The following PSIP1 variants were observed in gnomAD, a reference collection of about 807,000 sequenced individuals.
PSIP1 encodes PC4 and SRSF1 interacting protein 1, also known as PC4 and SFRS1-interacting protein.
In PSIP1, 19 loss-of-function variants were observed where a neutral mutation model predicts 74.7. That is an observed-to-expected ratio of 0.25 (90% CI 0.18 to 0.37). The LOEUF is 0.37. Among genes scored for constraint, PSIP1 ranks in the 10% least tolerant of loss-of-function variants. The pLI, the probability that PSIP1 is intolerant of heterozygous loss-of-function variation, is 1.00. For missense variants in PSIP1, 601 were observed against 614.3 expected (o/e 0.98, Z 0.23); for synonymous variants, 222 against 195.3 (o/e 1.14, Z -1.14).
chr9:15,474,293 G>C (rs528178346), intron 8 of PSIP1, 56 bp from the exon 9 acceptor site: 2 of 1,410,414 alleles, frequency 1.4e-6, no homozygotes, highest in Non-Finnish European at 1.9e-6. Flanking sequence ...TAGTATTTTA[G>C]ATATCAGTAA....
intron 10 of PSIP1, chr9:15,471,839 G>T (rs1034617760): frequency 1.5e-5 from 14 of 964,714 alleles, no homozygotes; most frequent in Non-Finnish European, 1.5e-5. Flanking sequence ...CCTAGAGCAT[G>T]TTTTAAAAAT....
At chr9:15,489,629 GA>G (rs1266598534) in intron 4 of PSIP1, among the ~76,000 whole-genome samples, 85 of 126,868 alleles carry the variant, frequency 6.7e-4, no homozygotes, top group African/African-American at 2.6e-3. Context: ...AAAAAAAAAA[GA>G]AATTTAATTA....
chr9:15,464,250 T>A lies in PSIP1; in HGVS notation c.*1270A>T, dbSNP rs550988447. 5.2e-6 allele frequency: 1 copy of A among 193,176 alleles called. No homozygotes were observed. Among genetic ancestry groups the A allele is most frequent in the East Asian group, 8.3e-5 (1 of 12,104 alleles). 12.0% of individuals were successfully genotyped at this position (193,176 alleles called of 1,614,324 possible). A position where few individuals can be genotyped will look rare whatever the true frequency, so the allele number is the denominator to read the frequency against. On this transcript the variant is annotated 3_prime_UTR_variant, in exon 16 of 16. Coordinates refer to ENST00000380733, the MANE Select transcript of PSIP1 (RefSeq NM_033222.5). ...GACCTCTTTAAAAGCAAAAATGCAA[T>A]TCTGTAGATGAAAACAGTTATCTCA...
intron 3 of PSIP1, among the ~76,000 whole-genome samples, chr9:15,493,745 G>T (rs2036945073): frequency 6.6e-6 from 1 of 152,142 alleles, no homozygotes; most frequent in Non-Finnish European, 1.5e-5. Flanking sequence ...AGACACTTAT[G>T]AAACCATCAG....
intron 6 of PSIP1, among the ~76,000 whole-genome samples, chr9:15,484,242 G>A (rs1440396626): frequency 6.6e-6 from 1 of 151,324 alleles, no homozygotes; most frequent in Non-Finnish European, 1.5e-5. Flanking sequence ...GGATCACCGA[G>A]GCTGGGAGTT....
At chr9:15,510,450 T>C (rs1017874554) in intron 1 of PSIP1, 121 bp from the exon 2 acceptor site, 2 of 385,892 alleles carry the variant, frequency 5.2e-6, no homozygotes, top group Non-Finnish European at 4.6e-6. Context: ...CTCCCGCTCC[T>C]CCCCCGCCAG....
chr9:15,465,745 C>A (rs41268961), intron 15 of PSIP1, 165 bp from the exon 16 acceptor site: 23,270 of 553,226 alleles, frequency 0.042, 585 homozygotes, highest in South Asian at 0.066. Flanking sequence ...TTATTTTTTT[C>A]TTCTTCAAAA....
rs2035508863 is a variant in PSIP1, at chr9:15,464,911, CTTAA to C, written c.*605_*608del. 4.7e-6 allele frequency: 1 copy of C among 213,264 alleles called. No homozygotes were observed. Among genetic ancestry groups the C allele is most frequent in the Non-Finnish European group, 9.5e-6 (1 of 105,462 alleles). 13.2% of individuals were successfully genotyped at this position (213,264 alleles called of 1,614,324 possible). On this transcript the variant is annotated 3_prime_UTR_variant, in exon 16 of 16. Transcript: ENST00000380733. ...AGAATTCTCAGTTCCATGTCAGTTG[CTTAA>C]TTAGTTGTCATACCAAAAAAAACCA...
intron 2 of PSIP1, among the ~76,000 whole-genome samples, chr9:15,509,499 A>G (rs2037753328): frequency 6.6e-6 from 1 of 152,256 alleles, no homozygotes; most frequent in African/African-American, 2.4e-5. Context: ...CAAAAAGGTA[A>G]AACAACTTCT....
At chr9:15,471,712 G>A in intron 10 of PSIP1, 1 of 965,492 alleles carries the variant, frequency 1.0e-6, no homozygotes, top group African/African-American at 1.8e-5. Context: ...AGAAAGCAGA[G>A]TAAAACGCTG....
At position 15,484,837 on chromosome 9, in the gene PSIP1, C is replaced by T. The variant is rs529361031; in HGVS notation, c.456+1169G>A. The stretch of plus-strand genomic sequence containing the variant: ...CCGAGGCAAGAGAATTGTTTGAATT[C>T]GGGAGGTGGAGGTTGCAGTGAGCCA... On this transcript the variant is annotated intron_variant, in intron 6 of 15. Transcript: ENST00000380733. Among the ~76,000 whole-genome samples, 267 of 145,770 alleles carry T rather than the reference C, an allele frequency of 1.8e-3. 2 individuals are homozygous for T. In the Middle Eastern group the frequency reaches 0.019, roughly 10 times the overall value.
chr9:15,482,299 T>G (rs774638414), intron 6 of PSIP1, among the ~76,000 whole-genome samples: 4 of 151,908 alleles, frequency 2.6e-5, no homozygotes, highest in Non-Finnish European at 5.9e-5. Context: ...AAAAAAAAAA[T>G]GTACAAACAT....
chr9:15,493,742 TATGAAACC>T (rs548702840), intron 3 of PSIP1, among the ~76,000 whole-genome samples: 7 of 152,198 alleles, frequency 4.6e-5, no homozygotes, highest in Non-Finnish European at 1.0e-4. Context: ...GCCAGACACT[TATGAAACC>T]ATCAGATCTC....
chr9:15,488,888 G>GCA (rs2036689462), intron 4 of PSIP1, among the ~76,000 whole-genome samples: 1 of 152,134 alleles, frequency 6.6e-6, no homozygotes, highest in Non-Finnish European at 1.5e-5. Context: ...GGGTGTGGTG[G>GCA]CGGGCACCTG....
Position 15,486,885 on chromosome 9 carries a change from T to C in PSIP1, c.335A>G (p.Glu112Gly). 1 of 1,612,784 alleles carries C rather than the reference T, an allele frequency of 6.2e-7. No homozygotes were observed. The highest frequency in any genetic ancestry group is 8.5e-7 in the Non-Finnish European group (1 of 1,179,414). ...TTCCTTTGAAACACTAGTTTCCTTT[T>C]CTTCAACTTCAACATCAGATGATGC... is the stretch of plus-strand genomic sequence containing the variant. Reference protein sequence around the residue: ...SNASSDVEVEEKETSVSKEDT... With the variant: ...SNASSDVEVEGKETSVSKEDT... Residue 112 changes from glutamate to glycine, a missense_variant, in exon 5 of 16, where the codon GAA (glutamate) becomes GGA (glycine). Physicochemically the swap from Glu to Gly is moderately conservative, Grantham distance 98. Around this residue, in one of 2 missense-constraint regions of PSIP1, gnomAD observed 538 missense variants for 507.6 expected, o/e 1.06. Transcript: ENST00000380733.
intron 10 of PSIP1, chr9:15,472,398 C>T (rs965492181): frequency 3.8e-6 from 5 of 1,326,450 alleles, no homozygotes; most frequent in Admixed American, 3.8e-5. Flanking sequence ...ATCTGCACTT[C>T]GTTTAAATTC....
intron 3 of PSIP1, among the ~76,000 whole-genome samples, chr9:15,502,173 CTG>C (rs1264474474): frequency 1.3e-5 from 2 of 152,130 alleles, no homozygotes; most frequent in African/African-American, 4.8e-5. Context: ...GTGGAAAAAA[CTG>C]TCTTCCATTG....
chr9:15,484,664 T>C (rs1241732517), intron 6 of PSIP1, among the ~76,000 whole-genome samples: 10 of 151,908 alleles, frequency 6.6e-5, no homozygotes, highest in Non-Finnish European at 1.5e-4. Flanking sequence ...GAGGTGAAGG[T>C]TGCAGTGAGC....
intron 6 of PSIP1, among the ~76,000 whole-genome samples, chr9:15,485,195 A>T (rs1488024565): frequency 1.3e-5 from 2 of 152,100 alleles, no homozygotes; most frequent in Non-Finnish European, 2.9e-5. Context: ...TTTTTTTGGT[A>T]CCCATTTCCC....
Sources: gnomAD v4.1 joint callset for allele counts (sites outside exome capture counted in the v4.1 genomes callset) on GRCh38, gnomAD v4.1.1 for gene constraint, gnomAD v4.1.1 regional missense constraint, MANE v1.5 for transcripts, NCBI Gene and HGNC (gene_info 2026-07-23, HGNC 2026-07-21) for gene names.